Variants in EFCAB6 observed in about 807,000 individuals in gnomAD.
EFCAB6 encodes EF-hand calcium binding domain 6, also known as EF-hand calcium-binding domain-containing protein 6.
EFCAB6 carries 156 observed loss-of-function variants against 169.8 expected under a neutral mutation model. The observed-to-expected ratio is 0.92, with a 90% CI of 0.81 to 1.05. The LOEUF is 1.05. Ranked by LOEUF, EFCAB6 falls within the 50% of genes least tolerant of loss-of-function variation. EFCAB6 has a pLI of 0.00. For missense variants in EFCAB6, 1,800 were observed against 1,829.1 expected (o/e 0.98, Z 0.29); for synonymous variants, 698 against 676.4 (o/e 1.03, Z -0.50).
intron 18 of EFCAB6, among the ~76,000 whole-genome samples, chr22:43,634,795 A>G (rs2055258494): frequency 6.6e-6 from 1 of 152,112 alleles, no homozygotes; most frequent in African/African-American, 2.4e-5. Context: ...ACCAGCAACT[A>G]CCTTAGGGGA....
At chr22:43,564,218 C>T (rs554551013) in intron 26 of EFCAB6, among the ~76,000 whole-genome samples, 8 of 152,166 alleles carry the variant, frequency 5.3e-5, no homozygotes, top group South Asian at 2.1e-4. Context: ...GAGGCTAAGA[C>T]GGGTGGATCA....
At chr22:43,690,474 C>A (rs886368065) in intron 10 of EFCAB6, among the ~76,000 whole-genome samples, 14 of 151,554 alleles carry the variant, frequency 9.2e-5, no homozygotes, top group Non-Finnish European at 1.5e-4. Context: ...CGAGATCATG[C>A]CACTGCACTC....
chr22:43,567,831 T>C (rs767166167), intron 26 of EFCAB6, among the ~76,000 whole-genome samples: 1 of 152,146 alleles, frequency 6.6e-6, no homozygotes, highest in Non-Finnish European at 1.5e-5. Flanking sequence ...CTCTCCCTGC[T>C]GTACAGACAA....
chr22:43,650,164 G>GAAT (rs1186443270), intron 17 of EFCAB6, among the ~76,000 whole-genome samples: 8 of 152,142 alleles, frequency 5.3e-5, no homozygotes, highest in Non-Finnish European at 1.2e-4. Flanking sequence ...GAAGGGGCAG[G>GAAT]GCTCAGAGAA....
intron 21 of EFCAB6, 135 bp downstream of exon 21, chr22:43,615,691 C>A: frequency 1.7e-6 from 1 of 599,428 alleles, no homozygotes; most frequent in Non-Finnish European, 2.8e-6. Context: ...TTAAGAATAG[C>A]AGGAGTCCTC....
In EFCAB6 at chr22:43,741,478, G is replaced by A. The variant is rs148514942; in HGVS notation, c.508-5485C>T. Among the ~76,000 whole-genome samples, 443 of 152,244 alleles carry A rather than the reference G, an allele frequency of 2.9e-3. 1 individual carries two copies. The highest frequency in any genetic ancestry group is 5.0e-3 in the Admixed American group (76 of 15,300). ...TCCTCACTCGCTTACTTGAAAGCGC[G>A]CCTTCATACTCTGCTGACCACTTGC... On this transcript the variant is annotated intron_variant, in intron 6 of 31. Coordinates refer to ENST00000262726, the MANE Select transcript of EFCAB6 (RefSeq NM_022785.4).
At position 43,530,803 on chromosome 22, in the gene EFCAB6, A is replaced by G; in HGVS notation, c.4383+12T>C. On this transcript the variant is annotated intron_variant, in intron 31 of 31. Coordinates refer to ENST00000262726, the MANE Select transcript of EFCAB6 (RefSeq NM_022785.4). Reference sequence around the variant, plus strand: ...CTCCCTGCAGAGGCACTGGGCGCAGAGCTGTGCTCACCGTCCTGAAATCTG... The same window carrying G: ...CTCCCTGCAGAGGCACTGGGCGCAGGGCTGTGCTCACCGTCCTGAAATCTG... 1.2e-6 allele frequency: 2 copies of G among 1,613,200 alleles called. No homozygotes were observed. Among genetic ancestry groups the G allele is most frequent in the Non-Finnish European group, 1.7e-6 (2 of 1,180,026 alleles).
At chr22:43,759,877 G>A (rs1484411426) in intron 5 of EFCAB6, 2 of 152,178 alleles carry the variant, frequency 1.3e-5, no homozygotes, top group African/African-American at 4.8e-5. Context: ...TTCACTGTAT[G>A]TTATCAATGG....
At chr22:43,778,297 T>A (rs1344479729) in intron 3 of EFCAB6, among the ~76,000 whole-genome samples, 1 of 152,126 alleles carries the variant, frequency 6.6e-6, no homozygotes, top group African/African-American at 2.4e-5. Context: ...CCAGTGCAGG[T>A]AAGTAGCACT....
At position 43,779,284 on chromosome 22, in the gene EFCAB6, CAG is replaced by C. The variant is rs1290637531; in HGVS notation, c.139+2894_139+2895del. 6.6e-5 allele frequency among the ~76,000 whole-genome samples: 10 copies of C among 152,138 alleles called. 1 individual carries two copies. The highest frequency in any genetic ancestry group is 1.5e-4 in the Non-Finnish European group (10 of 67,994). ...AAGATAAGAACACTTTAAAAGGAAA[CAG>C]TGTGTCTAATATTTATTTGCTTATT... On this transcript the variant is annotated intron_variant, in intron 3 of 31. Coordinates refer to ENST00000262726, the MANE Select transcript of EFCAB6 (RefSeq NM_022785.4).
intron 27 of EFCAB6, among the ~76,000 whole-genome samples, chr22:43,543,596 T>C (rs748390526): frequency 3.1e-4 from 47 of 152,144 alleles, no homozygotes; most frequent in Non-Finnish European, 5.6e-4. Flanking sequence ...CAGCGACCCC[T>C]TGGGCCCAAG....
chr22:43,659,689 G>A (rs1460212842), intron 17 of EFCAB6, among the ~76,000 whole-genome samples: 4 of 152,078 alleles, frequency 2.6e-5, no homozygotes, highest in Admixed American at 2.6e-4. Flanking sequence ...AATTCACTCT[G>A]TTACCATAAA....
chr22:43,649,717 C>G (rs1016287488), intron 17 of EFCAB6, among the ~76,000 whole-genome samples: 2 of 151,960 alleles, frequency 1.3e-5, no homozygotes, highest in African/African-American at 2.4e-5. Context: ...ATGAAAAAGA[C>G]AGAAAAAATG....
intron 23 of EFCAB6, among the ~76,000 whole-genome samples, chr22:43,599,778 G>A (rs894491983): frequency 4.6e-5 from 7 of 152,120 alleles, no homozygotes; most frequent in African/African-American, 1.7e-4. Flanking sequence ...CAAGGGCGTG[G>A]CCAGGCGGTA....
Position 43,608,594 on chromosome 22 carries a change from G to C in EFCAB6, c.2569C>G (p.Leu857Val). 2 of 1,614,076 alleles carry C rather than the reference G, an allele frequency of 1.2e-6. No individual in the cohort carries two copies. Among genetic ancestry groups the C allele is most frequent in the South Asian group, 1.1e-5 (1 of 91,064 alleles). The change falls in exon 22 of 32, where the codon CTA becomes GTA. Residue 857 changes from leucine to valine, a missense_variant. Transcript: ENST00000262726. ...CCATTGCCCTCATTATCGGTTTCTAGAAAATTCTACAACATCAGAATACGG... is the reference window on the plus strand; with the variant it reads ...CCATTGCCCTCATTATCGGTTTCTACAAAATTCTACAACATCAGAATACGG... ...NRWSDLSKNFLETDNEGNGIL... is the reference protein window; with the variant it reads ...NRWSDLSKNFVETDNEGNGIL...
intron 8 of EFCAB6, among the ~76,000 whole-genome samples, chr22:43,722,915 G>A (rs2059591690): frequency 6.6e-6 from 1 of 152,168 alleles, no homozygotes; most frequent in Non-Finnish European, 1.5e-5. Flanking sequence ...AACATGCATG[G>A]AGCTGGAGGC....
chr22:43,578,720 ATACACACAGGCATCATTCCC>A (rs2050426897), intron 25 of EFCAB6, among the ~76,000 whole-genome samples: 1 of 144,112 alleles, frequency 6.9e-6, no homozygotes, highest in African/African-American at 2.6e-5. Context: ...GCATCATTCC[ATACACACAGGCATCATTCCC>A]TACACACAGG....
chr22:43,591,617 G>C (rs1158011319), intron 23 of EFCAB6, among the ~76,000 whole-genome samples: 3 of 152,118 alleles, frequency 2.0e-5, no homozygotes, highest in Non-Finnish European at 4.4e-5. Context: ...TCTATAACAG[G>C]AACAGGACAG....
chr22:43,677,766 G>A (rs1015956652), intron 13 of EFCAB6, among the ~76,000 whole-genome samples: 2 of 152,100 alleles, frequency 1.3e-5, no homozygotes, highest in Admixed American at 1.3e-4. Context: ...AAGGGCTCTC[G>A]TTCAGGGATG....
Sources: gnomAD v4.1 joint callset for allele counts (sites outside exome capture counted in the v4.1 genomes callset) on GRCh38, gnomAD v4.1.1 for gene constraint, MANE v1.5 for transcripts, NCBI Gene and HGNC (gene_info 2026-07-23, HGNC 2026-07-21) for gene names.